Variants in ZZEF1 observed in about 807,000 individuals in gnomAD.
The protein encoded by ZZEF1 is zinc finger ZZ-type and EF-hand domain containing 1.
In ZZEF1, 157 loss-of-function variants were observed where a neutral mutation model predicts 342.8. The ratio of observed to expected loss-of-function variants is 0.46; its 90% CI spans 0.40 to 0.52. The LOEUF (loss-of-function observed/expected upper bound fraction) is 0.52, where lower values mean the gene tolerates loss of function less well. Among genes scored for constraint, ZZEF1 ranks in the 20% least tolerant of loss-of-function variants. ZZEF1 has a pLI of 0.00. For missense variants in ZZEF1, 3,480 were observed against 3,725.6 expected (o/e 0.93, Z 1.72); for synonymous variants, 1,505 against 1,429.1 (o/e 1.05, Z -1.20).
At position 4,114,616 on chromosome 17, in the gene ZZEF1, G is replaced by A. The variant is rs548625293; in HGVS notation, c.695-146C>T. ...TTAAAATCTCCTTCCAGATCCTTTT[G>A]TAGTTCATCAGTGTCATGAGTGGGT... On this transcript the variant is annotated intron_variant, in intron 3 of 54. Coordinates refer to ENST00000381638, the MANE Select transcript of ZZEF1 (RefSeq NM_015113.4). 6 of 643,954 alleles carry A rather than the reference G, an allele frequency of 9.3e-6. No homozygotes were observed. In the East Asian group the frequency reaches 1.3e-4, roughly 14 times the overall value. The allele number at this position is 643,954 out of a possible 1,614,324, so 39.9% of individuals were successfully genotyped here. A position where few individuals can be genotyped will look rare whatever the true frequency, so the allele number is the denominator to read the frequency against.
At chr17:4,103,346 C>G (rs1357616828) in intron 8 of ZZEF1, among the ~76,000 whole-genome samples, 1 of 151,666 alleles carries the variant, frequency 6.6e-6, no homozygotes, top group South Asian at 2.1e-4. Flanking sequence ...AGTTTGAGAC[C>G]AGCCTGGTCA....
intron 15 of ZZEF1, 39 bp downstream of exon 15, chr17:4,086,447 T>C (rs1256695516): frequency 6.2e-7 from 1 of 1,609,632 alleles, no homozygotes; most frequent in African/African-American, 1.3e-5. Context: ...TCACGCTACC[T>C]ACACAGGGTT....
rs1291056581 is a variant in ZZEF1 at position 4,081,437 on chromosome 17, T to C, written c.2768A>G (p.Lys923Arg). ...LLLPEKNDLA[K>R]MNISEVLAVM... is the part of the protein sequence containing the mutation. ...CGCCAGGACTTCACTGATGTTCATCTTGGCCAGGTCGTTCTTCTCAGGTAA... is the reference window on the plus strand; with the variant it reads ...CGCCAGGACTTCACTGATGTTCATCCTGGCCAGGTCGTTCTTCTCAGGTAA... The change falls in exon 18 of 55, where the codon AAG becomes AGG. Residue 923 changes from lysine (K) to arginine (R), a missense_variant. Around this residue, in one of 5 missense-constraint regions of ZZEF1, gnomAD observed 1,528 missense variants for 1,624.1 expected, o/e 0.94. Transcript: ENST00000381638. 3 of 1,614,136 alleles carry C rather than the reference T, an allele frequency of 1.9e-6. No individual in the cohort carries two copies. Among genetic ancestry groups the C allele is most frequent in the Non-Finnish European group, 1.7e-6 (2 of 1,180,024 alleles).
chr17:4,010,469 C>G (rs2055917757), intron 52 of ZZEF1, among the ~76,000 whole-genome samples: 1 of 151,376 alleles, frequency 6.6e-6, no homozygotes, highest in Non-Finnish European at 1.5e-5. Flanking sequence ...GCCTGTAATC[C>G]CAGCACCTTG....
intron 1 of ZZEF1, among the ~76,000 whole-genome samples, chr17:4,128,589 A>G (rs1202268832): frequency 6.6e-6 from 1 of 150,568 alleles, no homozygotes; most frequent in Admixed American, 6.7e-5. Flanking sequence ...CCTCCCGAGT[A>G]GCTGGGACCA....
chr17:4,017,423 G>A lies in ZZEF1; in HGVS notation c.7949C>T (p.Thr2650Ile). The A allele has an allele frequency of 6.2e-7, 1 of 1,611,716 alleles. No individual in the cohort carries two copies. The highest frequency in any genetic ancestry group is 8.5e-7 in the Non-Finnish European group (1 of 1,178,058). Residue 2650 changes from threonine to isoleucine, a missense_variant, in exon 48 of 55, where the codon ACC (threonine) becomes ATC (isoleucine). Physicochemically the swap from Thr to Ile is moderately conservative, Grantham distance 89. Around this residue, in one of 5 missense-constraint regions of ZZEF1, gnomAD observed 1,269 missense variants for 1,342.4 expected, o/e 0.95. Transcript: ENST00000381638. This position sits in a 1 kb window ranked among gnomAD's most constrained non-coding sequence, Gnocchi z 5.1. ...CTGCATGAACATATCCAAAATGTAG[G>A]TCATATGGGCAGGGCCACTGAGCTC... ...ILELSGPAHMTYILDMFMQLE... is the reference protein window; with the variant it reads ...ILELSGPAHMIYILDMFMQLE...
intron 44 of ZZEF1, 59 bp downstream of exon 44, chr17:4,022,650 C>T (rs1314381574): frequency 1.9e-6 from 3 of 1,609,568 alleles, no homozygotes; most frequent in Non-Finnish European, 2.5e-6. Context: ...ATGCTTCTAA[C>T]TCCTAGGCCA....
chr17:4,050,733 C>A, intron 36 of ZZEF1, 48 bp downstream of exon 36: 1 of 1,604,726 alleles, frequency 6.2e-7, no homozygotes, highest in Non-Finnish European at 8.5e-7. Context: ...GGCTTTTTTT[C>A]ACCAGCAACT....
rs1231940197 is a variant in ZZEF1, at chr17:4,049,882, A to T, written c.5864-23T>A. On this transcript the variant is annotated intron_variant, in intron 36 of 54. Transcript: ENST00000381638. ...GGCCTATGTGGGAAGCAAATCAGAGAATGGTTAGAAGTTTTATAATGAGAG... is the reference window on the plus strand; with the variant it reads ...GGCCTATGTGGGAAGCAAATCAGAGTATGGTTAGAAGTTTTATAATGAGAG... 1.9e-6 allele frequency: 3 copies of T among 1,610,644 alleles called. No individual in the cohort carries two copies. The South Asian group carries it at 3.3e-5, about 18-fold the overall frequency.
intron 6 of ZZEF1, among the ~76,000 whole-genome samples, chr17:4,106,480 G>GA (rs71144161): frequency 0.51 from 73,195 of 144,150 alleles, 20,246 homozygotes; most frequent in East Asian, 0.73. Flanking sequence ...CAGCAACAGG[G>GA]AAAAAAAAAA....
chr17:4,074,430 G>A, intron 23 of ZZEF1, 79 bp from the exon 24 acceptor site: 1 of 1,410,198 alleles, frequency 7.1e-7, no homozygotes, highest in Non-Finnish European at 1.0e-6. Flanking sequence ...TTCATGACGA[G>A]AAACATCTCA....
At chr17:4,112,492 C>T in intron 5 of ZZEF1, 117 bp downstream of exon 5, 1 of 1,035,408 alleles carries the variant, frequency 9.7e-7, no homozygotes, top group Non-Finnish European at 1.5e-6. Flanking sequence ...ATAATGAACA[C>T]TTTTGTGTAC....
intron 16 of ZZEF1, among the ~76,000 whole-genome samples, chr17:4,083,865 T>A (rs1427788251): frequency 6.6e-6 from 1 of 152,210 alleles, no homozygotes; most frequent in Non-Finnish European, 1.5e-5. Flanking sequence ...TGTCTGCTCA[T>A]TGGCTGTTGC....
intron 5 of ZZEF1, among the ~76,000 whole-genome samples, chr17:4,110,136 GA>G (rs1191285908): frequency 1.3e-5 from 2 of 152,032 alleles, no homozygotes; most frequent in African/African-American, 2.4e-5. Flanking sequence ...TAGGAGTCTT[GA>G]AAAAACTACA....
intron 30 of ZZEF1, 27 bp downstream of exon 30, chr17:4,062,726 C>G (rs1307622845): frequency 1.3e-6 from 2 of 1,560,258 alleles, no homozygotes; most frequent in Non-Finnish European, 1.7e-6. Flanking sequence ...TTGCTGTTTT[C>G]CTTCTGGACC....
rs770709510 is a variant in ZZEF1 at position 4,032,140 on chromosome 17, C to T, written c.6878G>A (p.Arg2293Gln). The T allele has an allele frequency of 8.7e-6, 14 of 1,610,556 alleles. No individual in the cohort carries two copies. Among genetic ancestry groups the T allele is most frequent in the South Asian group, 1.1e-5 (1 of 90,226 alleles). The change falls in exon 42 of 55, where the codon CGG becomes CAG. Residue 2293 changes from arginine to glutamine, a missense_variant. This residue lies in a region of ZZEF1 where 1,269 missense variants were observed against 1,342.4 expected (regional missense o/e 0.95). Transcript: ENST00000381638. ...NRAVIVDVKTRKRKTVKDYQL... is the reference protein window; with the variant it reads ...NRAVIVDVKTQKRKTVKDYQL... ...ACGCATGGTACCTGTTTTCCTCTTC[C>T]GAGTTTTGACATCAACAATCACAGC...
chr17:4,063,001 C>T (rs1257264916), intron 29 of ZZEF1, 84 bp from the exon 30 acceptor site: 2 of 1,382,164 alleles, frequency 1.4e-6, no homozygotes, highest in Non-Finnish European at 9.7e-7. Flanking sequence ...AGCCCTGATG[C>T]CATATATCAA....
chr17:4,081,282 ACTGC>A, intron 18 of ZZEF1, 90 bp downstream of exon 18: 1 of 996,768 alleles, frequency 1.0e-6, no homozygotes, highest in Admixed American at 2.0e-5. Flanking sequence ...GTACATTCAT[ACTGC>A]AAAGAGGCAA....
chr17:4,036,776 T>TACACACAC (rs761229612), intron 39 of ZZEF1, among the ~76,000 whole-genome samples: 1,312 of 99,826 alleles, frequency 0.013, 9 homozygotes, highest in Non-Finnish European at 0.018. Context: ...ATATATAGAA[T>TACACACAC]ACACACACAC....
Sources: gnomAD v4.1 joint callset for allele counts (sites outside exome capture counted in the v4.1 genomes callset) on GRCh38, gnomAD v4.1.1 for gene constraint, gnomAD v4.1.1 regional missense constraint, Gnocchi (gnomAD v3.1) non-coding constraint, MANE v1.5 for transcripts, NCBI Gene and HGNC (gene_info 2026-07-23, HGNC 2026-07-21) for gene names.